Variants in ITPR1 observed in about 807,000 individuals in gnomAD.
The protein encoded by ITPR1 is inositol 1,4,5-trisphosphate-gated calcium channel ITPR1.
In ITPR1, 96 loss-of-function variants were observed where a neutral mutation model predicts 318.4. The ratio of observed to expected loss-of-function variants is 0.30; its 90% confidence interval spans 0.26 to 0.36. The LOEUF (loss-of-function observed/expected upper bound fraction) is 0.36, where lower values mean the gene tolerates loss of function less well. ITPR1 is among the 10% of genes least tolerant of loss of function. The probability of loss-of-function intolerance (pLI) is 1.00; values close to 1 mark genes in which losing one functional copy is unlikely to be tolerated. For synonymous variants in ITPR1, 1,312 were observed against 1,289.9 expected, an observed-to-expected ratio of 1.02 and a Z score of -0.37; for missense variants, 2,440 against 3,460.2, an observed-to-expected ratio of 0.71 and a Z score of 7.40.
intron 44 of ITPR1, among the ~76,000 whole-genome samples, chr3:4,755,989 A>G (rs1448054526): frequency 6.6e-6 from 1 of 152,220 alleles, no homozygotes; most frequent in Admixed American, 6.5e-5. Flanking sequence ...TGAGAGCTGC[A>G]GATGTTGGCT....
chr3:4,720,868 A>G (rs2042102839), intron 40 of ITPR1, among the ~76,000 whole-genome samples: 1 of 152,122 alleles, frequency 6.6e-6, no homozygotes, highest in Non-Finnish European at 1.5e-5. Flanking sequence ...CGCCCAACCC[A>G]GGGTGGAGAT....
chr3:4,754,435 C>G (rs2044798665), intron 44 of ITPR1, among the ~76,000 whole-genome samples: 1 of 152,178 alleles, frequency 6.6e-6, no homozygotes, highest in African/African-American at 2.4e-5. Flanking sequence ...TTCATGTCCT[C>G]CTGGCCACAG....
chr3:4,620,851 C>G (rs113686917), intron 4 of ITPR1, among the ~76,000 whole-genome samples: 12 of 152,190 alleles, frequency 7.9e-5, no homozygotes, highest in Non-Finnish European at 1.3e-4. Context: ...TGTATAGCTA[C>G]AGTGGATTTG....
intron 4 of ITPR1, among the ~76,000 whole-genome samples, chr3:4,623,193 C>T (rs367894503): frequency 3.9e-5 from 6 of 152,320 alleles, no homozygotes; most frequent in East Asian, 1.9e-4. Flanking sequence ...ATCTATAAAG[C>T]AGTTGAGCAT....
chr3:4,769,426 A>G (rs1347966341), intron 46 of ITPR1, among the ~76,000 whole-genome samples: 1 of 152,234 alleles, frequency 6.6e-6, no homozygotes, highest in Non-Finnish European at 1.5e-5. Flanking sequence ...GGATGGCTAG[A>G]TAATTAAATA....
chr3:4,669,612 T>C (rs2094028906), intron 18 of ITPR1, 42 bp from the exon 19 acceptor site: 1 of 1,567,038 alleles, frequency 6.4e-7, no homozygotes, highest in Non-Finnish European at 8.7e-7. Context: ...GCCTAACCTC[T>C]GCTCTATCTA....
At chr3:4,741,873 C>T (rs960033249) in intron 44 of ITPR1, among the ~76,000 whole-genome samples, 1 of 152,076 alleles carries the variant, frequency 6.6e-6, no homozygotes, top group African/African-American at 2.4e-5. Flanking sequence ...CACTTCTGAG[C>T]GGTGTTTTCT....
chr3:4,713,746 C>G (rs1254965726), intron 39 of ITPR1, among the ~76,000 whole-genome samples: 1 of 152,202 alleles, frequency 6.6e-6, no homozygotes, highest in African/African-American at 2.4e-5. Context: ...TTCCTGGGGT[C>G]TAGCTTAAAT....
At chr3:4,655,964 A>AT (rs1156470721) in intron 12 of ITPR1, among the ~76,000 whole-genome samples, 1 of 152,084 alleles carries the variant, frequency 6.6e-6, no homozygotes, top group Non-Finnish European at 1.5e-5. Flanking sequence ...AAAACCTCGA[A>AT]TTTTTTTGAG....
rs2050092548 is a variant in ITPR1 at position 4,826,576 on chromosome 3, T to C, written c.8028+8334T>C. On this transcript the variant is annotated intron_variant, in intron 60 of 61. Coordinates refer to ENST00000649015, the MANE Select transcript of ITPR1 (RefSeq NM_001378452.1). This position sits in a 1 kb window ranked among gnomAD's most constrained non-coding sequence, Gnocchi z 4.2. The stretch of plus-strand genomic sequence containing the variant: ...CAGCCAGGCCTCTCTCACCCCACCC[T>C]GTGCACTTGGGCTTGGGTTCGTGTC... Among the ~76,000 whole-genome samples, 1 of 152,216 alleles carries C rather than the reference T, an allele frequency of 6.6e-6. No individual in the cohort carries two copies. Among genetic ancestry groups the C allele is most frequent in the Non-Finnish European group, 1.5e-5 (1 of 68,032 alleles).
At position 4,668,259 on chromosome 3, in the gene ITPR1, C is replaced by G. The variant is rs149465149; in HGVS notation, c.1886+710C>G. 9.2e-3 allele frequency among the ~76,000 whole-genome samples: 1,392 copies of G among 151,010 alleles called. 17 individuals are homozygous for G. The highest frequency in any genetic ancestry group is 0.032 in the African/African-American group (1,301 of 40,956). On this transcript the variant is annotated intron_variant, in intron 18 of 61. Transcript: ENST00000649015. ...TACCTGTTAACATCCCCACCTCCCC[C>G]CTGCCCTCCCACTATCTTTCCCAGC...
chr3:4,778,638 G>A (rs1308207032), intron 48 of ITPR1, among the ~76,000 whole-genome samples: 2 of 152,134 alleles, frequency 1.3e-5, no homozygotes, highest in Non-Finnish European at 2.9e-5. Flanking sequence ...TCAACCTTGT[G>A]TACCTGGCCA....
chr3:4,564,515 T>A (rs2087017063), intron 4 of ITPR1, among the ~76,000 whole-genome samples: 1 of 152,210 alleles, frequency 6.6e-6, no homozygotes, highest in Non-Finnish European at 1.5e-5. Flanking sequence ...AGTCACGTTC[T>A]GCATGTTTTT....
Position 4,710,609 on chromosome 3 carries a change from C to T in ITPR1, c.4991+136C>T. 1.3e-6 allele frequency: 1 copy of T among 772,778 alleles called. No individual in the cohort carries two copies. 47.9% of individuals were successfully genotyped at this position (772,778 alleles called of 1,614,324 possible). ...CAAGGTCATGTGCTAAAGTCCTGTTCTGACCTCCCCAAAGTAAGTTTGTCT... is the reference window on the plus strand; with the variant it reads ...CAAGGTCATGTGCTAAAGTCCTGTTTTGACCTCCCCAAAGTAAGTTTGTCT... On this transcript the variant is annotated intron_variant, in intron 38 of 61. Coordinates refer to ENST00000649015, the MANE Select transcript of ITPR1 (RefSeq NM_001378452.1). The surrounding 1 kb of genome is among the most constrained non-coding windows in gnomAD (Gnocchi z 4.2).
At chr3:4,734,990 G>C (rs188803953) in intron 43 of ITPR1, among the ~76,000 whole-genome samples, 174 bp from the exon 44 acceptor site, 10 of 152,220 alleles carry the variant, frequency 6.6e-5, no homozygotes, top group Non-Finnish European at 1.5e-4. Context: ...CTTAGGGAAA[G>C]CACCTTCATC....
intron 4 of ITPR1, among the ~76,000 whole-genome samples, chr3:4,615,975 G>T (rs2092372626): frequency 6.6e-6 from 1 of 152,142 alleles, no homozygotes; most frequent in South Asian, 2.1e-4. Context: ...TAATAACACG[G>T]TCTATGTTTT....
chr3:4,546,167 T>A (rs13090497), intron 4 of ITPR1, among the ~76,000 whole-genome samples: 14,359 of 152,088 alleles, frequency 0.094, 885 homozygotes, highest in Middle Eastern at 0.19. Context: ...TGATGTAAAT[T>A]TTTCCCCCTC....
intron 5 of ITPR1, among the ~76,000 whole-genome samples, chr3:4,636,369 A>T (rs928061696): frequency 6.6e-6 from 1 of 152,208 alleles, no homozygotes; most frequent in Non-Finnish European, 1.5e-5. Context: ...AACAGAATTA[A>T]AATAGTATTA....
At chr3:4,730,794 A>G (rs531510517) in intron 42 of ITPR1, among the ~76,000 whole-genome samples, 21 of 152,260 alleles carry the variant, frequency 1.4e-4, no homozygotes, top group South Asian at 1.0e-3. Flanking sequence ...CCCTTAAGAG[A>G]TGTGTGTTTG....
Sources: allele counts gnomAD v4.1 joint callset (sites outside exome capture counted in the v4.1 genomes callset), GRCh38; gene constraint gnomAD v4.1.1; non-coding constraint Gnocchi (gnomAD v3.1); transcripts MANE v1.5; gene names NCBI Gene and HGNC (gene_info 2026-07-23, HGNC 2026-07-21).